GPLD1: variants seen among roughly 807,000 people sequenced by gnomAD.
The protein encoded by GPLD1 is phosphatidylinositol-glycan-specific phospholipase D.
Under a neutral mutation model 112.6 loss-of-function variants are expected in GPLD1, and 84 were observed. The ratio of observed to expected loss-of-function variants is 0.75; its 90% CI spans 0.63 to 0.89. GPLD1 has a LOEUF of 0.89. GPLD1 is among the 40% of genes least tolerant of loss of function. GPLD1 has a pLI of 0.00. For missense variants in GPLD1, 1,044 were observed against 1,051.5 expected, an observed-to-expected ratio of 0.99 and a Z score of 0.10; for synonymous variants, 386 against 403.8, an observed-to-expected ratio of 0.96 and a Z score of 0.53.
rs1015155209 is a variant in GPLD1, at chr6:24,445,941, AG to A, written c.1821-111del. 22 of 765,216 alleles carry A rather than the reference AG, an allele frequency of 2.9e-5. No individual in the cohort carries two copies. The African/African-American group carries it at 3.3e-4, about 11-fold the overall frequency. 47.4% of individuals were successfully genotyped at this position (765,216 alleles called of 1,614,324 possible). ...CCTCCCCCCATCCAGGCCTCCCAGC[AG>A]GCTCTGTCTCTGCGACCCCAGGCCT... On this transcript the variant is annotated intron_variant, in intron 18 of 24. Transcript: ENST00000230036.
chr6:24,456,735 G>C (rs1046524645), intron 12 of GPLD1, 98 bp from the exon 13 acceptor site: 7 of 759,410 alleles, frequency 9.2e-6, no homozygotes, highest in Non-Finnish European at 1.5e-5. Flanking sequence ...TAAAGGAAAT[G>C]AGTTTTTAGA....
At chr6:24,444,678 C>T (rs1762851205) in intron 20 of GPLD1, among the ~76,000 whole-genome samples, 1 of 151,866 alleles carries the variant, frequency 6.6e-6, no homozygotes, top group Admixed American at 6.6e-5. Context: ...TGTTGAGACC[C>T]TCTCGCTACA....
intron 13 of GPLD1, 115 bp downstream of exon 13, chr6:24,456,383 G>C: frequency 1.4e-6 from 1 of 722,840 alleles, no homozygotes; most frequent in Non-Finnish European, 2.2e-6. Context: ...GGTGACAAGT[G>C]AGACTCTGTC....
At chr6:24,482,525 C>T (rs1764238791) in intron 2 of GPLD1, among the ~76,000 whole-genome samples, 1 of 152,184 alleles carries the variant, frequency 6.6e-6, no homozygotes, top group South Asian at 2.1e-4. Flanking sequence ...AGGTGATCCA[C>T]CTGCCTTGGC....
chr6:24,489,456 T>C lies in GPLD1; in HGVS notation c.56A>G (p.His19Arg), dbSNP rs1764492664. 2 of 1,613,994 alleles carry C rather than the reference T, an allele frequency of 1.2e-6. No homozygotes were observed. The highest frequency in any genetic ancestry group is 2.2e-5 in the East Asian group (1 of 44,876). ...GLLIMLGSLC[H>R]RGSPCGLSTH... ...TGAAAGGCCACACGGTGAACCTCTA[T>C]GGCAGAGAGAACCCAACATGATCAG... is the stretch of plus-strand genomic sequence containing the variant. The change falls in exon 1 of 25, where the codon CAT (histidine) becomes CGT (arginine). Residue 19 changes from histidine to arginine, a missense_variant. Coordinates refer to ENST00000230036, the MANE Select transcript of GPLD1 (RefSeq NM_001503.4).
rs762062553 is a variant in GPLD1 at position 24,467,199 on chromosome 6, G to A, written c.621C>T (p.Ile207=). 35 of 1,602,332 alleles carry A rather than the reference G, an allele frequency of 2.2e-5. No homozygotes were observed. In the East Asian group the frequency reaches 6.0e-4, roughly 28 times the overall value. ...YGRKVITENV[I]VDCSHIQFLE... The stretch of plus-strand genomic sequence containing the variant: ...AGAACTGGATATGTGAACAATCAAC[G>A]ATTACATTTTCGGTGATGACTTTTC... The change falls in exon 8 of 25, where the codon ATC becomes ATT. Residue 207 remains isoleucine, a synonymous_variant. Transcript: ENST00000230036.
chr6:24,460,338 C>T lies in GPLD1; in HGVS notation c.949G>A (p.Asp317Asn), dbSNP rs1763394983. 1 of 1,612,982 alleles carries T rather than the reference C, an allele frequency of 6.2e-7. No individual in the cohort carries two copies. The highest frequency in any genetic ancestry group is 8.5e-7 in the Non-Finnish European group (1 of 1,178,956). Residue 317 changes from aspartate to asparagine, a missense_variant, in exon 12 of 25, where the codon GAC becomes AAC. Transcript: ENST00000230036. ...NLTTSLTESVDRNINYTERGV... is the reference protein window; with the variant it reads ...NLTTSLTESVNRNINYTERGV... The stretch of plus-strand genomic sequence containing the variant: ...CTTTCAGTATAGTTTATATTCCTGT[C>T]AACACTTTCAGTTAGGGATGTAGTC...
At chr6:24,482,737 T>C (rs924843565) in intron 2 of GPLD1, among the ~76,000 whole-genome samples, 4 of 151,184 alleles carry the variant, frequency 2.6e-5, no homozygotes, top group Non-Finnish European at 2.9e-5. Flanking sequence ...GGTCAGCGGA[T>C]CTCTTCAGCC....
intron 13 of GPLD1, among the ~76,000 whole-genome samples, chr6:24,456,037 A>G (rs533668700): frequency 3.9e-5 from 6 of 152,262 alleles, no homozygotes; most frequent in Admixed American, 3.9e-4. Context: ...TTTTTTAATC[A>G]AATAAATTAA....
rs145277857 is a variant in GPLD1, at chr6:24,453,193, C to A, written c.1335+822G>T. On this transcript the variant is annotated intron_variant, in intron 14 of 24. Coordinates refer to ENST00000230036, the MANE Select transcript of GPLD1 (RefSeq NM_001503.4). ...ACAAAAGAAGGAAATCTAAAGAAAGCCTGGCGTTTAGTTAATAGTGATGTA... is the reference window on the plus strand; with the variant it reads ...ACAAAAGAAGGAAATCTAAAGAAAGACTGGCGTTTAGTTAATAGTGATGTA... Among the ~76,000 whole-genome samples, 225 of 152,240 alleles carry A rather than the reference C, an allele frequency of 1.5e-3. 1 individual carries two copies. Among genetic ancestry groups the A allele is most frequent in the African/African-American group, 5.1e-3 (213 of 41,532 alleles).
intron 20 of GPLD1, among the ~76,000 whole-genome samples, chr6:24,444,362 T>C (rs185643684): frequency 9.9e-4 from 150 of 152,170 alleles, no homozygotes; most frequent in African/African-American, 2.9e-3. Context: ...ATATCATATA[T>C]AGTATAAGCT....
In GPLD1 at chr6:24,427,786, C is replaced by T. The variant is rs929591224; in HGVS notation, c.*1246G>A. Among the ~76,000 whole-genome samples the T allele has an allele frequency of 4.5e-5, 6 of 133,452 alleles. No individual in the cohort carries two copies. Among genetic ancestry groups the T allele is most frequent in the African/African-American group, 1.1e-4 (4 of 34,878 alleles). The allele number at this position is 133,452 out of a possible 152,430, so 87.5% of individuals were successfully genotyped here. On this transcript the variant is annotated 3_prime_UTR_variant, in exon 25 of 25. Transcript: ENST00000230036. ...ACTTGAACCTGGGAGGCGGAGGTTG[C>T]AGTGAGCTGAGATCACATCACTGCA... is the stretch of plus-strand genomic sequence containing the variant.
In GPLD1 at chr6:24,462,779, C is replaced by A; in HGVS notation, c.838G>T (p.Glu280Ter). Reference sequence around the variant, plus strand: ...CCACATGCAATGAACAGAGGGTTCTCAGGCAGGTTGCAGTCACTGAGGAAA... The same window carrying A: ...CCACATGCAATGAACAGAGGGTTCTAAGGCAGGTTGCAGTCACTGAGGAAA... Reference protein sequence around the residue: ...ENGTSDCNLPENPLFIACGGQ... With the variant: ...ENGTSDCNLP Residue 280 changes from glutamate to a stop codon, truncating the protein, a stop_gained, in exon 11 of 25, where the codon GAG becomes TAG. Coordinates refer to ENST00000230036, the MANE Select transcript of GPLD1 (RefSeq NM_001503.4). LOFTEE classifies it high-confidence loss of function. The A allele has an allele frequency of 6.2e-7, 1 of 1,613,138 alleles. No homozygotes were observed.
chr6:24,451,332 CTTTTT>C (rs76706819), intron 14 of GPLD1, among the ~76,000 whole-genome samples: 41,188 of 151,624 alleles, frequency 0.27, 6,817 homozygotes, highest in Middle Eastern at 0.42. Context: ...AATTCTTTCT[CTTTTT>C]TTTGTTTTTG....
At chr6:24,480,759 G>A (rs1475445059) in intron 2 of GPLD1, among the ~76,000 whole-genome samples, 3 of 152,106 alleles carry the variant, frequency 2.0e-5, no homozygotes, top group Non-Finnish European at 4.4e-5. Context: ...CTTCCATTCC[G>A]AGTCCCTTAT....
At chr6:24,453,694 C>T (rs1004552399) in intron 14 of GPLD1, among the ~76,000 whole-genome samples, 4 of 60,584 alleles carry the variant, frequency 6.6e-5, no homozygotes, top group Admixed American at 2.1e-4. Flanking sequence ...TAAATACATA[C>T]ATTTCGTGTG....
chr6:24,435,491 T>C (rs1177394953), intron 22 of GPLD1, among the ~76,000 whole-genome samples: 6 of 152,182 alleles, frequency 3.9e-5, no homozygotes, highest in African/African-American at 1.4e-4. Context: ...ATTCTCTTTG[T>C]ACATTTTTGT....
intron 18 of GPLD1, 144 bp from the exon 19 acceptor site, chr6:24,445,975 TG>T: frequency 1.6e-6 from 1 of 636,594 alleles, no homozygotes; most frequent in Non-Finnish European, 2.8e-6. Flanking sequence ...CCTGGAAGTG[TG>T]GGGACTATTG....
rs1212293223 is a variant in GPLD1 at position 24,466,824 on chromosome 6, G to A, written c.682-5C>T. 8 of 1,594,338 alleles carry A rather than the reference G, an allele frequency of 5.0e-6. No individual in the cohort carries two copies. In the East Asian group the frequency reaches 1.8e-4, roughly 36 times the overall value. ...TGTAGAGTAAGTGGGATATAACTAT[G>A]GCAGAGAGAAAGAAAAAATAAAATG... On this transcript the variant is annotated splice_region_variant and splice_polypyrimidine_tract_variant and intron_variant, in intron 9 of 24. Transcript: ENST00000230036.
Sources: gnomAD v4.1 joint callset for allele counts (sites outside exome capture counted in the v4.1 genomes callset) on GRCh38, gnomAD v4.1.1 for gene constraint, MANE v1.5 for transcripts, NCBI Gene and HGNC (gene_info 2026-07-23, HGNC 2026-07-21) for gene names.